Variants in TMEM132D observed in about 807,000 individuals in gnomAD.
The protein encoded by TMEM132D is transmembrane protein 132D.
In TMEM132D, 21 loss-of-function variants were observed where a neutral mutation model predicts 62.3. The ratio of observed to expected loss-of-function variants is 0.34; its 90% confidence interval spans 0.24 to 0.49. The LOEUF is 0.49. TMEM132D is among the 20% of genes least tolerant of loss of function. The pLI, the probability that TMEM132D is intolerant of heterozygous loss-of-function variation, is 0.99. For missense variants in TMEM132D, 1,346 were observed against 1,402.8 expected, an observed-to-expected ratio of 0.96 and a Z score of 0.65; for synonymous variants, 621 against 575.6, an observed-to-expected ratio of 1.08 and a Z score of -1.13.
chr12:129,655,379 TGA>T (rs754786413), intron 2 of TMEM132D, among the ~76,000 whole-genome samples: 8 of 151,968 alleles, frequency 5.3e-5, no homozygotes, highest in Non-Finnish European at 8.8e-5. Context: ...CCTAAGTAGC[TGA>T]GATTACAGAC....
At chr12:129,257,036 G>T (rs1053910400) in intron 4 of TMEM132D, among the ~76,000 whole-genome samples, 6 of 152,104 alleles carry the variant, frequency 3.9e-5, no homozygotes, top group Non-Finnish European at 8.8e-5. Context: ...TGGTCTATCC[G>T]AGTGAGGTAT....
At chr12:129,719,529 T>C (rs1388686947) in intron 1 of TMEM132D, among the ~76,000 whole-genome samples, 1 of 152,236 alleles carries the variant, frequency 6.6e-6, no homozygotes, top group East Asian at 1.9e-4. Flanking sequence ...AGGGAAACCC[T>C]GTTTATTTTT....
chr12:129,239,960 C>T (rs1448294910), intron 4 of TMEM132D, among the ~76,000 whole-genome samples: 3 of 152,154 alleles, frequency 2.0e-5, no homozygotes, highest in Non-Finnish European at 4.4e-5. Context: ...CTCTCGATGT[C>T]TGAGCAAAAG....
chr12:129,821,868 T>C (rs1227740687), intron 1 of TMEM132D, among the ~76,000 whole-genome samples: 10 of 152,206 alleles, frequency 6.6e-5, no homozygotes, highest in Admixed American at 6.5e-4. Context: ...TGAAGCCTGC[T>C]GGTCTTTCGA....
chr12:129,746,164 TGAGA>T (rs926086736), intron 1 of TMEM132D, among the ~76,000 whole-genome samples: 1 of 152,030 alleles, frequency 6.6e-6, no homozygotes. Context: ...AACGATGCAA[TGAGA>T]GAGAGCCAGT....
At chr12:129,152,979 C>A (rs1034060514) in intron 5 of TMEM132D, among the ~76,000 whole-genome samples, 2 of 152,186 alleles carry the variant, frequency 1.3e-5, no homozygotes, top group Non-Finnish European at 2.9e-5. Context: ...CCACCCGGCA[C>A]TTCCTGCCAA....
intron 5 of TMEM132D, among the ~76,000 whole-genome samples, chr12:129,165,181 A>G (rs1593282222): frequency 6.6e-6 from 1 of 152,302 alleles, no homozygotes; most frequent in East Asian, 1.9e-4. Flanking sequence ...TATTATGAAG[A>G]TGTCAGAATA....
At chr12:129,534,556 A>C (rs1876326264) in intron 2 of TMEM132D, among the ~76,000 whole-genome samples, 1 of 152,130 alleles carries the variant, frequency 6.6e-6, no homozygotes, top group African/African-American at 2.4e-5. Flanking sequence ...TGTGGTGCGC[A>C]ATTGTTGCTT....
intron 1 of TMEM132D, among the ~76,000 whole-genome samples, chr12:129,812,458 T>C (rs576609528): frequency 1.3e-5 from 2 of 151,826 alleles, no homozygotes; most frequent in Non-Finnish European, 2.9e-5. Context: ...TTTAATACTC[T>C]GCCATTGTTC....
Position 129,099,971 on chromosome 12 carries a change from G to T in TMEM132D, c.1444-15269C>A, listed in dbSNP as rs1393811633. Among the ~76,000 whole-genome samples, 15 of 120,294 alleles carry T rather than the reference G, an allele frequency of 1.2e-4. No homozygotes were observed. The South Asian group carries it at 2.4e-3, about 19-fold the overall frequency. 78.9% of individuals were successfully genotyped at this position (120,294 alleles called of 152,430 possible). A position where few individuals can be genotyped will look rare whatever the true frequency, so the allele number is the denominator to read the frequency against. ...CTCCCAAGTAGCTGGGACTACAGGT[G>T]CCCGCCACTACGCCCGGCTAATTTT... On this transcript the variant is annotated intron_variant, in intron 5 of 8. Transcript: ENST00000422113.
intron 4 of TMEM132D, among the ~76,000 whole-genome samples, chr12:129,265,193 G>A (rs565734913): frequency 4.6e-5 from 7 of 152,304 alleles, no homozygotes; most frequent in Admixed American, 4.6e-4. Flanking sequence ...GGGATGTCAG[G>A]CTTCCATGGA....
At chr12:129,362,281 AAG>A (rs201714453) in intron 3 of TMEM132D, among the ~76,000 whole-genome samples, 3,167 of 152,228 alleles carry the variant, frequency 0.021, 68 homozygotes, top group Admixed American at 0.062. Context: ...ATCCTGGTTA[AAG>A]AGAGTTTCCA....
rs550414127 is a variant in TMEM132D, at chr12:129,071,799, A to T, written c.*2076T>A. The T allele has an allele frequency of 6.6e-6, 1 of 152,374 alleles. No homozygotes were observed. The highest frequency in any genetic ancestry group is 1.5e-5 in the Non-Finnish European group (1 of 68,046). 9.4% of individuals were successfully genotyped at this position (152,374 alleles called of 1,614,324 possible). On this transcript the variant is annotated 3_prime_UTR_variant, in exon 9 of 9. Transcript: ENST00000422113. ...ATATTACATTCTTACAATCTACAGT[A>T]CATTCTACACGCAGATGGATTTGGA... is the stretch of plus-strand genomic sequence containing the variant.
At chr12:129,807,563 T>C (rs987746732) in intron 1 of TMEM132D, among the ~76,000 whole-genome samples, 2 of 152,236 alleles carry the variant, frequency 1.3e-5, no homozygotes, top group Non-Finnish European at 2.9e-5. Flanking sequence ...ATGTATAAAC[T>C]GCTTATATTT....
chr12:129,416,837 G>A (rs149060375), intron 3 of TMEM132D, among the ~76,000 whole-genome samples: 2,719 of 152,232 alleles, frequency 0.018, 44 homozygotes, highest in Non-Finnish European at 0.027. Flanking sequence ...TTATGTGATG[G>A]ATTATGTTTA....
intron 3 of TMEM132D, among the ~76,000 whole-genome samples, chr12:129,351,425 C>T (rs556832852): frequency 1.4e-4 from 22 of 152,190 alleles, no homozygotes; most frequent in East Asian, 3.9e-4. Context: ...ACGCCCTGGC[C>T]GTACCTCCTA....
At chr12:129,690,273 G>T (rs1447050895) in intron 2 of TMEM132D, among the ~76,000 whole-genome samples, 1 of 151,986 alleles carries the variant, frequency 6.6e-6, no homozygotes, top group East Asian at 1.9e-4. Context: ...GAATCAGGCA[G>T]AAAAAGGGGC....
intron 1 of TMEM132D, among the ~76,000 whole-genome samples, chr12:129,733,365 G>A (rs1403229926): frequency 6.6e-6 from 1 of 152,156 alleles, no homozygotes; most frequent in African/African-American, 2.4e-5. Context: ...GCTGGTGACA[G>A]AGAATAGTTT....
In TMEM132D at chr12:129,588,897, A is replaced by G. The variant is rs762501912; in HGVS notation, c.969-57692T>C. On this transcript the variant is annotated intron_variant, in intron 2 of 8. Transcript: ENST00000422113. ...ATGGAAAGTAGCAACAAAATTACTC[A>G]TTGGTACCATTCCTGAAAGCATTAT... 2.7e-4 allele frequency among the ~76,000 whole-genome samples: 41 copies of G among 152,094 alleles called. 1 individual carries two copies. The highest frequency in any genetic ancestry group is 1.6e-4 in the Non-Finnish European group (11 of 68,012).
Sources: gnomAD v4.1 joint callset for allele counts (sites outside exome capture counted in the v4.1 genomes callset) on GRCh38, gnomAD v4.1.1 for gene constraint, MANE v1.5 for transcripts, NCBI Gene and HGNC (gene_info 2026-07-23, HGNC 2026-07-21) for gene names.